P2RX3: variants seen among roughly 807,000 people sequenced by gnomAD.
P2RX3 encodes the protein purinergic receptor P2X 3.
P2RX3 carries 41 observed loss-of-function variants against 51.5 expected under a neutral mutation model. The observed-to-expected ratio is 0.80, with a 90% CI of 0.62 to 1.03. The LOEUF (loss-of-function observed/expected upper bound fraction) is 1.03. Among genes scored for constraint, P2RX3 ranks in the 50% least tolerant of loss-of-function variants. The pLI, the probability that P2RX3 is intolerant of heterozygous loss-of-function variation, is 0.00. For synonymous variants in P2RX3, 185 were observed against 191.6 expected (o/e 0.97, Z 0.29); for missense variants, 459 against 522.1 (o/e 0.88, Z 1.18).
At chr11:57,352,790 A>T (rs1856567948) in intron 8 of P2RX3, among the ~76,000 whole-genome samples, 3 of 152,162 alleles carry the variant, frequency 2.0e-5, no homozygotes, top group Admixed American at 6.5e-5. Context: ...GGGAGGCAGG[A>T]CGGAATATCC....
chr11:57,343,082 C>G (rs562825877), intron 1 of P2RX3, among the ~76,000 whole-genome samples: 1 of 152,362 alleles, frequency 6.6e-6, no homozygotes, highest in East Asian at 1.9e-4. Flanking sequence ...CCTCCAGAGA[C>G]AGCCTCAGCC....
chr11:57,343,393 G>C (rs1261126618), intron 1 of P2RX3, among the ~76,000 whole-genome samples: 1 of 152,252 alleles, frequency 6.6e-6, no homozygotes, highest in East Asian at 1.9e-4. Flanking sequence ...GTCCGGTTCA[G>C]GGGGCCAGCA....
At chr11:57,343,330 C>A (rs963099168) in intron 1 of P2RX3, among the ~76,000 whole-genome samples, 2 of 152,170 alleles carry the variant, frequency 1.3e-5, no homozygotes, top group East Asian at 3.8e-4. Context: ...CTTTCCTAAG[C>A]CAGGAGATGC....
intron 8 of P2RX3, among the ~76,000 whole-genome samples, chr11:57,364,613 C>A (rs747652855): frequency 6.6e-6 from 1 of 152,150 alleles, no homozygotes; most frequent in East Asian, 1.9e-4. Flanking sequence ...TAAAATATCC[C>A]GAGAGTCCTC....
chr11:57,341,139 C>T (rs973455242), intron 1 of P2RX3, among the ~76,000 whole-genome samples: 1 of 152,142 alleles, frequency 6.6e-6, no homozygotes, highest in African/African-American at 2.4e-5. Flanking sequence ...GAGAGACAGA[C>T]ACGATGAGAT....
chr11:57,346,566 G>C lies in P2RX3; in HGVS notation c.142G>C (p.Ala48Pro). 6.2e-7 allele frequency: 1 copy of C among 1,614,134 alleles called. No homozygotes were observed. Among genetic ancestry groups the C allele is most frequent in the East Asian group, 2.2e-5 (1 of 44,878 alleles). Reference protein sequence around the residue: ...FVGWVFLHEKAYQVRDTAIES... With the variant: ...FVGWVFLHEKPYQVRDTAIES... ...CAGGTGGGTTTTCTTGCACGAGAAG[G>C]CTTACCAGGTACGGGACACAGCCAT... Residue 48 changes from alanine (A) to proline (P), a missense_variant, in exon 2 of 12, where the codon GCT becomes CCT. Physicochemically the swap from Ala to Pro is conservative, Grantham distance 27. Transcript: ENST00000263314.
intron 8 of P2RX3, among the ~76,000 whole-genome samples, chr11:57,362,796 G>A (rs1446826194): frequency 6.6e-6 from 1 of 152,130 alleles, no homozygotes; most frequent in Non-Finnish European, 1.5e-5. Context: ...TAAATGCAAT[G>A]GGGTGGTTGT....
intron 8 of P2RX3, among the ~76,000 whole-genome samples, chr11:57,359,432 C>T (rs553773348): frequency 1.5e-3 from 221 of 152,294 alleles, no homozygotes; most frequent in African/African-American, 4.9e-3. Flanking sequence ...GGTAACCATC[C>T]CCGCTGCCCT....
At chr11:57,337,346 G>GA (rs1565058239), upstream of P2RX3, among the ~76,000 whole-genome samples, 3 of 24,186 alleles carry the variant, frequency 1.2e-4, no homozygotes, top group Non-Finnish European at 1.7e-4. Flanking sequence ...GGGAAGGAAA[G>GA]AAAGAAAAAA....
intron 1 of P2RX3, among the ~76,000 whole-genome samples, chr11:57,341,773 C>T (rs1158763617): frequency 6.6e-6 from 1 of 152,134 alleles, no homozygotes; most frequent in Non-Finnish European, 1.5e-5. Context: ...ACTTCCCAGG[C>T]CTTTGATGCC....
intron 7 of P2RX3, 126 bp downstream of exon 7, chr11:57,350,024 C>A: frequency 7.1e-7 from 1 of 1,399,612 alleles, no homozygotes; most frequent in Admixed American, 2.2e-5. Context: ...GTGGAAGCAT[C>A]CCAGGCCGCC....
chr11:57,356,357 G>A (rs1004524662), intron 8 of P2RX3, among the ~76,000 whole-genome samples: 6 of 152,196 alleles, frequency 3.9e-5, no homozygotes, highest in African/African-American at 9.7e-5. Flanking sequence ...GGAGAGAATC[G>A]AAACTGCATT....
In P2RX3 at chr11:57,346,703, G is replaced by A. The variant is rs372987866; in HGVS notation, c.255+24G>A. The A allele has an allele frequency of 6.8e-6, 11 of 1,611,290 alleles. No individual in the cohort carries two copies. The African/African-American group carries it at 1.2e-4, about 18-fold the overall frequency. On this transcript the variant is annotated intron_variant, in intron 2 of 11. Transcript: ENST00000263314. Reference sequence around the variant, plus strand: ...AGGTATGGTACCCCTACCCAGAGAGGCATGTGGATGTCCAGACACTGGGCA... The same window carrying A: ...AGGTATGGTACCCCTACCCAGAGAGACATGTGGATGTCCAGACACTGGGCA...
At chr11:57,356,098 T>G (rs1856626274) in intron 8 of P2RX3, among the ~76,000 whole-genome samples, 1 of 152,186 alleles carries the variant, frequency 6.6e-6, no homozygotes, top group Non-Finnish European at 1.5e-5. Context: ...TGCAAAGCCC[T>G]TTCACACCTA....
At chr11:57,368,141 G>A in intron 9 of P2RX3, 39 bp downstream of exon 9, 3 of 1,587,854 alleles carry the variant, frequency 1.9e-6, no homozygotes, top group Admixed American at 3.3e-5. Context: ...GGACAGGGGA[G>A]GCAGCCCAGA....
At chr11:57,342,563 C>T (rs1856361559) in intron 1 of P2RX3, among the ~76,000 whole-genome samples, 1 of 152,108 alleles carries the variant, frequency 6.6e-6, no homozygotes, top group South Asian at 2.1e-4. Context: ...GGTTAGAAGC[C>T]TGGCTCTGAC....
intron 8 of P2RX3, among the ~76,000 whole-genome samples, chr11:57,353,626 G>A (rs192888762): frequency 2.3e-4 from 29 of 124,330 alleles, no homozygotes; most frequent in East Asian, 1.5e-3. Flanking sequence ...TTCATAGCCC[G>A]GCCTTTTGTC....
chr11:57,357,279 C>A (rs1313919131), intron 8 of P2RX3, among the ~76,000 whole-genome samples: 1 of 152,162 alleles, frequency 6.6e-6, no homozygotes, highest in Non-Finnish European at 1.5e-5. Flanking sequence ...GAGATCTCAC[C>A]ACTGCACTCC....
At chr11:57,337,333 G>A (rs1590616765), upstream of P2RX3, among the ~76,000 whole-genome samples, 3 of 82,112 alleles carry the variant, frequency 3.7e-5, no homozygotes, top group African/African-American at 9.3e-5. Flanking sequence ...AAAAAAAAAG[G>A]AAGGGAAGGA....
Sources: allele counts gnomAD v4.1 joint callset (sites outside exome capture counted in the v4.1 genomes callset), GRCh38; gene constraint gnomAD v4.1.1; transcripts MANE v1.5; gene names NCBI Gene and HGNC (gene_info 2026-07-23, HGNC 2026-07-21).